Variants in CNIH3 observed in about 807,000 individuals in gnomAD.
CNIH3 encodes protein cornichon homolog 3.
Under a neutral mutation model 24.1 loss-of-function variants are expected in CNIH3, and 14 were observed. The observed-to-expected ratio is 0.58, with a 90% CI of 0.38 to 0.91. The LOEUF (loss-of-function observed/expected upper bound fraction) is 0.91. CNIH3 is among the 40% of genes least tolerant of loss of function. CNIH3 has a pLI of 0.00. For missense variants in CNIH3, 178 were observed against 196.8 expected (o/e 0.90, Z 0.57); for synonymous variants, 68 against 73.8 (o/e 0.92, Z 0.40).
At chr1:224,644,853 C>T (rs910650494) in intron 1 of CNIH3, among the ~76,000 whole-genome samples, 5 of 152,202 alleles carry the variant, frequency 3.3e-5, no homozygotes, top group Non-Finnish European at 7.3e-5. Flanking sequence ...CTTGCTTAAG[C>T]GTAAGCAGCC....
intron 1 of CNIH3, among the ~76,000 whole-genome samples, chr1:224,480,634 G>T (rs1180738697): frequency 6.6e-6 from 1 of 152,092 alleles, no homozygotes; most frequent in African/African-American, 2.4e-5. Flanking sequence ...CAAATTCAAA[G>T]TTCCAAAAAT....
At chr1:224,494,822 G>A (rs568662788) in intron 1 of CNIH3, among the ~76,000 whole-genome samples, 4 of 152,128 alleles carry the variant, frequency 2.6e-5, no homozygotes, top group African/African-American at 4.8e-5. Context: ...CATGCCCAAC[G>A]CCCTCTGGAT....
intron 1 of CNIH3, among the ~76,000 whole-genome samples, chr1:224,450,108 G>C (rs149828926): frequency 1.4e-3 from 206 of 152,158 alleles, no homozygotes; most frequent in African/African-American, 4.0e-3. Context: ...AATATTTTTT[G>C]AGCACTTGCT....
intron 4 of CNIH3, chr1:224,575,105 G>A: frequency 5.6e-6 from 5 of 893,734 alleles, no homozygotes; most frequent in Non-Finnish European, 9.5e-6. Context: ...CCTGGGCCAA[G>A]CCTGAGGACC....
At chr1:224,519,163 A>G (rs1452089945) in intron 1 of CNIH3, among the ~76,000 whole-genome samples, 1 of 152,214 alleles carries the variant, frequency 6.6e-6, no homozygotes, top group Non-Finnish European at 1.5e-5. Context: ...TAATAAACAC[A>G]TACCTGAAAC....
chr1:224,673,369 C>T (rs1357019308), intron 1 of CNIH3, among the ~76,000 whole-genome samples: 1 of 152,158 alleles, frequency 6.6e-6, no homozygotes, highest in Non-Finnish European at 1.5e-5. Flanking sequence ...CAGCCCTGAG[C>T]CTTGACCTCC....
chr1:224,489,341 C>T (rs528689294), intron 1 of CNIH3, among the ~76,000 whole-genome samples: 1 of 152,322 alleles, frequency 6.6e-6, no homozygotes, highest in African/African-American at 2.4e-5. Flanking sequence ...GGCCCTCTCC[C>T]TTTCAGGATT....
chr1:224,586,181 G>T (rs541493466), intron 5 of CNIH3, among the ~76,000 whole-genome samples: 33 of 152,322 alleles, frequency 2.2e-4, no homozygotes, highest in Admixed American at 1.0e-3. Flanking sequence ...TGGGGACTTT[G>T]GGAACTTTAG....
At chr1:224,682,611 C>T (rs1482073752) in intron 2 of CNIH3, among the ~76,000 whole-genome samples, 1 of 152,168 alleles carries the variant, frequency 6.6e-6, no homozygotes, top group East Asian at 1.9e-4. Context: ...CACCATGCAC[C>T]TGGGATAATT....
Position 224,628,519 on chromosome 1 carries a change from A to G in CNIH3, c.81+11264A>G, listed in dbSNP as rs373783541. ...GATCTACTTCTAGACACCACATATA[A>G]GTGGAATCATACAGTATTTGTCCTG... On this transcript the variant is annotated intron_variant, in intron 1 of 5. Coordinates refer to ENST00000272133, the MANE Select transcript of CNIH3 (RefSeq NM_152495.2). 7.9e-5 allele frequency among the ~76,000 whole-genome samples: 12 copies of G among 152,196 alleles called. No homozygotes were observed. In the East Asian group the frequency reaches 1.8e-3, roughly 22 times the overall value.
chr1:224,738,492 A>G (rs1333458782), intron 5 of CNIH3, among the ~76,000 whole-genome samples: 1 of 152,208 alleles, frequency 6.6e-6, no homozygotes, highest in Non-Finnish European at 1.5e-5. Flanking sequence ...CTCATTGGGC[A>G]TCCACAGCTG....
intron 1 of CNIH3, among the ~76,000 whole-genome samples, chr1:224,455,175 T>C (rs1393804596): frequency 6.6e-6 from 1 of 152,170 alleles, no homozygotes; most frequent in Non-Finnish European, 1.5e-5. Context: ...AATTGAATAC[T>C]GTACAGAAAG....
intron 3 of CNIH3, among the ~76,000 whole-genome samples, chr1:224,560,028 A>C (rs1401520068): frequency 6.6e-6 from 1 of 152,202 alleles, no homozygotes; most frequent in Admixed American, 6.5e-5. Flanking sequence ...GTCACTCAGC[A>C]TTGTATTTGT....
chr1:224,566,079 T>G (rs902581614), intron 3 of CNIH3: 1 of 152,042 alleles, frequency 6.6e-6, no homozygotes, highest in Non-Finnish European at 1.5e-5. Context: ...ACTTAGAAAT[T>G]CAGTGGACTC....
chr1:224,547,875 C>G (rs1400706706), intron 3 of CNIH3, among the ~76,000 whole-genome samples: 2 of 151,598 alleles, frequency 1.3e-5, no homozygotes, highest in East Asian at 3.9e-4. Flanking sequence ...GGGAGTATAC[C>G]CTGTGTGTAC....
chr1:224,639,598 C>T (rs1344312361), intron 1 of CNIH3, among the ~76,000 whole-genome samples: 3 of 152,178 alleles, frequency 2.0e-5, no homozygotes, highest in Non-Finnish European at 2.9e-5. Flanking sequence ...ACATATGTCC[C>T]TGAGTTGTTT....
At chr1:224,582,058 C>T (rs1681297768) in intron 4 of CNIH3, among the ~76,000 whole-genome samples, 1 of 152,108 alleles carries the variant, frequency 6.6e-6, no homozygotes, top group Non-Finnish European at 1.5e-5. Context: ...AAAAATTGGA[C>T]AGAGGGGGTG....
chr1:224,683,214 T>C (rs1011283710), intron 2 of CNIH3, among the ~76,000 whole-genome samples: 1 of 152,202 alleles, frequency 6.6e-6, no homozygotes, highest in Admixed American at 6.5e-5. Flanking sequence ...ATACTTCTAA[T>C]TAGTAAACTG....
intron 3 of CNIH3, among the ~76,000 whole-genome samples, chr1:224,562,508 T>C (rs1483963918): frequency 1.3e-5 from 2 of 152,202 alleles, no homozygotes; most frequent in Admixed American, 6.5e-5. Flanking sequence ...GATTATTTTA[T>C]AATATTTAGG....
Sources: gnomAD v4.1 joint callset for allele counts (sites outside exome capture counted in the v4.1 genomes callset) on GRCh38, gnomAD v4.1.1 for gene constraint, MANE v1.5 for transcripts, NCBI Gene and HGNC (gene_info 2026-07-23, HGNC 2026-07-21) for gene names.